CMTM2: variants seen among roughly 807,000 people sequenced by gnomAD.
CMTM2 encodes CKLF-like MARVEL transmembrane domain-containing protein 2.
A neutral mutation model predicts 16.8 loss-of-function variants in CMTM2; 15 were observed. That is an observed-to-expected ratio of 0.89 (90% CI 0.60 to 1.37). The LOEUF (loss-of-function observed/expected upper bound fraction) is 1.37. Among genes scored for constraint, CMTM2 ranks in the 40% most tolerant of loss-of-function variants. The probability of loss-of-function intolerance (pLI) is 0.00; values close to 1 mark genes in which losing one functional copy is unlikely to be tolerated. For missense variants in CMTM2, 282 were observed against 318.0 expected (o/e 0.89, Z 0.86); for synonymous variants, 117 against 118.7 (o/e 0.99, Z 0.09).
At chr16:66,583,236 A>C (rs911358200) in intron 2 of CMTM2, among the ~76,000 whole-genome samples, 1 of 152,084 alleles carries the variant, frequency 6.6e-6, no homozygotes, top group Non-Finnish European at 1.5e-5. Context: ...TCACAGCTGT[A>C]CTCCCAGCAC....
chr16:66,580,226 G>A, intron 2 of CMTM2, 42 bp downstream of exon 2: 1 of 1,606,812 alleles, frequency 6.2e-7, no homozygotes, highest in Non-Finnish European at 8.5e-7. Flanking sequence ...CCAGAATGCT[G>A]ATCAGGTGTG....
chr16:66,581,784 C>A (rs2014738633), intron 2 of CMTM2, among the ~76,000 whole-genome samples: 1 of 152,166 alleles, frequency 6.6e-6, no homozygotes, highest in African/African-American at 2.4e-5. Flanking sequence ...AAAGCTTAAG[C>A]CTGCCCTTTG....
chr16:66,586,991 C>T lies in CMTM2; in HGVS notation c.445-6C>T. ...GGCTGAGGCTGACTAACCTCTCCACCTTCAGGACCTCTTCAACGACCTGAT... is the reference window on the plus strand; with the variant it reads ...GGCTGAGGCTGACTAACCTCTCCACTTTCAGGACCTCTTCAACGACCTGAT... On this transcript the variant is annotated splice_region_variant and splice_polypyrimidine_tract_variant and intron_variant, in intron 2 of 3. Coordinates refer to ENST00000268595, the MANE Select transcript of CMTM2 (RefSeq NM_144673.3). 6.2e-7 allele frequency: 1 copy of T among 1,612,160 alleles called. No individual in the cohort carries two copies. Among genetic ancestry groups the T allele is most frequent in the African/African-American group, 1.3e-5 (1 of 74,976 alleles).
chr16:66,586,530 G>A (rs143862107), intron 2 of CMTM2, among the ~76,000 whole-genome samples: 43 of 152,190 alleles, frequency 2.8e-4, no homozygotes, highest in African/African-American at 8.4e-4. Flanking sequence ...ACCTGTAGTC[G>A]CAGCTGCTCA....
chr16:66,586,016 T>A (rs900623214), intron 2 of CMTM2, among the ~76,000 whole-genome samples: 1 of 152,126 alleles, frequency 6.6e-6, no homozygotes, highest in Non-Finnish European at 1.5e-5. Context: ...TGGCCAGCTC[T>A]GAGAAGTTTG....
intron 2 of CMTM2, among the ~76,000 whole-genome samples, chr16:66,582,682 A>G (rs148658478): frequency 1.1e-4 from 16 of 152,250 alleles, no homozygotes; most frequent in African/African-American, 3.9e-4. Context: ...AATCTGAGTG[A>G]CAGAGTGAGA....
Position 66,580,011 on chromosome 16 carries a change from T to A in CMTM2, c.286-15T>A. ...GGCCCTTGCTGCTGGCTCAGGTGTC[T>A]ATGTCTCACTGCAGGGCTGCCTAAT... On this transcript the variant is annotated splice_polypyrimidine_tract_variant and intron_variant, in intron 1 of 3. Coordinates refer to ENST00000268595, the MANE Select transcript of CMTM2 (RefSeq NM_144673.3). 1 of 1,614,122 alleles carries A rather than the reference T, an allele frequency of 6.2e-7. No individual in the cohort carries two copies. Among genetic ancestry groups the A allele is most frequent in the African/African-American group, 1.3e-5 (1 of 75,036 alleles).
chr16:66,585,466 T>C (rs1427263574), intron 2 of CMTM2, among the ~76,000 whole-genome samples: 2 of 152,168 alleles, frequency 1.3e-5, no homozygotes, highest in Non-Finnish European at 2.9e-5. Flanking sequence ...AAAGCAAGCA[T>C]TGAAAGGTAG....
chr16:66,584,656 T>A lies in CMTM2; in HGVS notation c.445-2341T>A, dbSNP rs543263000. Among the ~76,000 whole-genome samples, 5 of 152,310 alleles carry A rather than the reference T, an allele frequency of 3.3e-5. No homozygotes were observed. In the South Asian group the frequency reaches 1.0e-3, roughly 32 times the overall value. ...GAACTCAGAAATAGATCTACAAACATATGGCAACTTGGTATATGACGGAGG... is the reference window on the plus strand; with the variant it reads ...GAACTCAGAAATAGATCTACAAACAAATGGCAACTTGGTATATGACGGAGG... On this transcript the variant is annotated intron_variant, in intron 2 of 3. Transcript: ENST00000268595.
intron 3 of CMTM2, 86 bp downstream of exon 3, chr16:66,587,184 C>T (rs1289108831): frequency 1.0e-6 from 1 of 988,768 alleles, no homozygotes; most frequent in South Asian, 1.3e-5. Context: ...AAGGAAAGGG[C>T]TTCTTTATTT....
At chr16:66,587,847 G>C in intron 3 of CMTM2, 72 bp from the exon 4 acceptor site, 2 of 1,489,624 alleles carry the variant, frequency 1.3e-6, no homozygotes, top group Non-Finnish European at 1.9e-6. Context: ...CCTGATGAAT[G>C]AGAAACCAGG....
At chr16:66,587,162 T>C in intron 3 of CMTM2, 64 bp downstream of exon 3, 1 of 1,278,184 alleles carries the variant, frequency 7.8e-7, no homozygotes, top group Non-Finnish European at 1.1e-6. Context: ...GGATGGGTGT[T>C]GTCCTCTGTT....
intron 3 of CMTM2, 101 bp downstream of exon 3, chr16:66,587,199 CAA>C (rs1228054119): frequency 9.9e-6 from 10 of 1,007,728 alleles, no homozygotes; most frequent in Non-Finnish European, 1.5e-5. Flanking sequence ...TTATTTTCCA[CAA>C]AAGTCTTGGG....
At chr16:66,586,843 C>G in intron 2 of CMTM2, 154 bp from the exon 3 acceptor site, 2 of 613,850 alleles carry the variant, frequency 3.3e-6, no homozygotes, top group South Asian at 3.9e-5. Context: ...ACAGATATGT[C>G]CACCTAGCCC....
chr16:66,583,181 A>G (rs1383597913), intron 2 of CMTM2, among the ~76,000 whole-genome samples: 2 of 152,188 alleles, frequency 1.3e-5, no homozygotes, highest in African/African-American at 2.4e-5. Flanking sequence ...AATACCAACA[A>G]TGAACAATGA....
intron 2 of CMTM2, among the ~76,000 whole-genome samples, chr16:66,585,039 C>A (rs548053833): frequency 6.6e-6 from 1 of 151,886 alleles, no homozygotes; most frequent in Non-Finnish European, 1.5e-5. Flanking sequence ...CTCTGCCTCC[C>A]GGGTTCAAGT....
intron 2 of CMTM2, among the ~76,000 whole-genome samples, chr16:66,582,912 A>G (rs1265510025): frequency 6.6e-6 from 1 of 152,138 alleles, no homozygotes; most frequent in Non-Finnish European, 1.5e-5. Context: ...ATAGACATCT[A>G]TCCAAACCTG....
At position 66,588,167 on chromosome 16, in the gene CMTM2, A is replaced by G; in HGVS notation, c.*48A>G. The G allele has an allele frequency of 1.3e-6, 2 of 1,528,534 alleles. No homozygotes were observed. Among genetic ancestry groups the G allele is most frequent in the Middle Eastern group, 2.3e-4 (1 of 4,274 alleles). The allele number at this position is 1,528,534 out of a possible 1,614,324, so 94.7% of individuals were successfully genotyped here. A position where few individuals can be genotyped will look rare whatever the true frequency, so the allele number is the denominator to read the frequency against. ...TGAAACGGCAGTGTATTTTACAGCA[A>G]TATGTTTCCACTCTCTTCCTTGTCT... On this transcript the variant is annotated 3_prime_UTR_variant, in exon 4 of 4. Transcript: ENST00000268595.
chr16:66,584,970 G>A (rs2014776464), intron 2 of CMTM2, among the ~76,000 whole-genome samples: 1 of 148,082 alleles, frequency 6.8e-6, no homozygotes, highest in Non-Finnish European at 1.5e-5. Context: ...TTTTGAGATG[G>A]AGTTTTGCTC....
Sources: gnomAD v4.1 joint callset for allele counts (sites outside exome capture counted in the v4.1 genomes callset) on GRCh38, gnomAD v4.1.1 for gene constraint, MANE v1.5 for transcripts, NCBI Gene and HGNC (gene_info 2026-07-23, HGNC 2026-07-21) for gene names.